TENM1: variants seen among roughly 807,000 people sequenced by gnomAD.
TENM1 encodes the protein teneurin-1.
Under a neutral mutation model 174.8 loss-of-function variants are expected in TENM1, and 35 were observed. The observed-to-expected ratio is 0.20, with a 90% CI of 0.15 to 0.27. The LOEUF (loss-of-function observed/expected upper bound fraction) is 0.27. Ranked by LOEUF, TENM1 falls within the 10% of genes least tolerant of loss-of-function variation. The pLI is 1.00. For missense variants in TENM1, 1,633 were observed against 2,130.1 expected, an observed-to-expected ratio of 0.77 and a Z score of 4.59; for synonymous variants, 781 against 798.7, an observed-to-expected ratio of 0.98 and a Z score of 0.37.
intron 1 of TENM1, among the ~76,000 whole-genome samples, chrX:124,924,956 G>A (rs764507430): frequency 2.7e-5 from 3 of 110,111 alleles, no homozygotes; most frequent in Admixed American, 9.7e-5. Context: ...CCTCAGGGCC[G>A]CTCTAGGGCA....
intron 1 of TENM1, among the ~76,000 whole-genome samples, chrX:124,916,136 A>G (rs943693312): frequency 9.0e-6 from 1 of 111,562 alleles, no homozygotes. Flanking sequence ...TTTGAAAAAA[A>G]ACCATTGTTT....
exon 1 of TENM1, chrX:124,963,657 C>T: frequency 8.3e-7 from 1 of 1,211,212 alleles, no homozygotes; most frequent in Non-Finnish European, 1.1e-6. Flanking sequence ...GGTTTTCTTC[C>T]ATCTTCACTC....
At chrX:124,707,618 C>T (rs2052941509) in intron 4 of TENM1, among the ~76,000 whole-genome samples, 1 of 111,376 alleles carries the variant, frequency 9.0e-6, no homozygotes, top group Non-Finnish European at 1.9e-5. Flanking sequence ...CATGACAGTT[C>T]CAGAAATACC....
In TENM1 at chrX:124,471,310, GTAC is replaced by G. The variant is rs1569533453; in HGVS notation, c.3949+10419_3949+10421del. Among the ~76,000 whole-genome samples the G allele has an allele frequency of 3.0e-3, 82 of 27,454 alleles. 8 individuals are homozygous for G. The highest frequency in any genetic ancestry group is 0.013 in the African/African-American group (80 of 6,025). The allele number at this position is 27,454 out of a possible 115,157, so 23.8% of individuals were successfully genotyped here. ...ATAGTACTATATATTATAATATATA[GTAC>G]TATATATTATAATATATAGTACTAT... On this transcript the variant is annotated intron_variant, in intron 22 of 31. Coordinates refer to ENST00000422452, the Ensembl canonical transcript of TENM1.
exon 30 of TENM1, chrX:124,384,575 T>C: frequency 8.3e-7 from 1 of 1,211,626 alleles, no homozygotes; most frequent in Non-Finnish European, 1.1e-6. Context: ...GATTTCATAT[T>C]GGACTTCAAT....
intron 8 of TENM1, among the ~76,000 whole-genome samples, chrX:124,650,323 T>G (rs1189830060): frequency 1.8e-5 from 2 of 110,982 alleles, no homozygotes; most frequent in Non-Finnish European, 3.8e-5. Context: ...GCAGAAACGT[T>G]TCTGTTGCTT....
At chrX:124,807,878 T>TAC (rs151254866) in intron 3 of TENM1, among the ~76,000 whole-genome samples, 1,289 of 85,135 alleles carry the variant, frequency 0.015, 21 homozygotes, top group East Asian at 0.031. Flanking sequence ...GAAAATCACT[T>TAC]ACACACACAC....
chrX:124,691,112 T>C (rs771773309), intron 5 of TENM1, among the ~76,000 whole-genome samples: 1 of 111,498 alleles, frequency 9.0e-6, no homozygotes, highest in African/African-American at 3.3e-5. Flanking sequence ...TATATTTACC[T>C]GTTTGCTTAT....
the TENM1 span, among the ~76,000 whole-genome samples, chrX:124,983,591 G>A: frequency 9.0e-6 from 1 of 111,106 alleles, no homozygotes; most frequent in Admixed American, 9.6e-5. Flanking sequence ...CAAAAGGATA[G>A]TGTATGCAAG....
At chrX:124,537,200 A>G (rs950706781) in intron 15 of TENM1, among the ~76,000 whole-genome samples, 1 of 111,772 alleles carries the variant, frequency 8.9e-6, no homozygotes, top group African/African-American at 3.3e-5. Context: ...AGATGTCATC[A>G]TAGTAAAATT....
intron 1 of TENM1, among the ~76,000 whole-genome samples, chrX:124,934,608 G>A (rs958342100): frequency 1.8e-5 from 2 of 111,853 alleles, no homozygotes; most frequent in African/African-American, 3.3e-5. Context: ...ATTTCTTAGC[G>A]TGTTAGAAAC....
At chrX:124,764,251 G>T (rs1371635041) in intron 3 of TENM1, among the ~76,000 whole-genome samples, 2 of 111,434 alleles carry the variant, frequency 1.8e-5, no homozygotes. Context: ...TTGGTAGATG[G>T]TCTTTAAACC....
At chrX:124,549,021 TC>T (rs1223088963) in intron 14 of TENM1, among the ~76,000 whole-genome samples, 1 of 112,300 alleles carries the variant, frequency 8.9e-6, no homozygotes, top group African/African-American at 3.2e-5. Context: ...CATATTTTTT[TC>T]ATTGATGACT....
chrX:124,393,303 C>T (rs1258579301), intron 27 of TENM1, among the ~76,000 whole-genome samples: 2 of 111,031 alleles, frequency 1.8e-5, no homozygotes, highest in African/African-American at 3.3e-5. Context: ...ATTTTTTCCA[C>T]GTTTCAGCTG....
chrX:124,949,294 C>T (rs1369849041), intron 1 of TENM1, among the ~76,000 whole-genome samples: 1 of 111,764 alleles, frequency 8.9e-6, no homozygotes, highest in African/African-American at 3.3e-5. Flanking sequence ...TGCACCACAG[C>T]GAGGAAACAT....
At chrX:124,951,515 G>C (rs2058483094) in intron 1 of TENM1, among the ~76,000 whole-genome samples, 1 of 108,614 alleles carries the variant, frequency 9.2e-6, no homozygotes, top group Admixed American at 9.9e-5. Flanking sequence ...ACTAACTCTT[G>C]TTAACTGCAA....
intron 9 of TENM1, 80 bp from the exon 13 acceptor site, chrX:124,645,417 T>A: frequency 2.1e-6 from 2 of 950,984 alleles, no homozygotes; most frequent in African/African-American, 1.9e-5. Flanking sequence ...TTGATTTTCG[T>A]ATTTCAGGCA....
the TENM1 span, among the ~76,000 whole-genome samples, chrX:125,012,202 G>A: frequency 2.7e-5 from 3 of 111,545 alleles, no homozygotes; most frequent in African/African-American, 9.8e-5. Flanking sequence ...GAGCCATGGG[G>A]AAGGAGAGCA....
chrX:125,021,912 C>T, the TENM1 span, among the ~76,000 whole-genome samples: 1 of 112,917 alleles, frequency 8.9e-6, no homozygotes, highest in Non-Finnish European at 1.9e-5. Flanking sequence ...GACCCCTGCC[C>T]TAAGTTGTCC....
Sources: gnomAD v4.1 joint callset for allele counts (sites outside exome capture counted in the v4.1 genomes callset) on GRCh38, gnomAD v4.1.1 for gene constraint, MANE v1.5 for transcripts, NCBI Gene and HGNC (gene_info 2026-07-23, HGNC 2026-07-21) for gene names.